GABRR2: variants seen among roughly 807,000 people sequenced by gnomAD.
GABRR2 encodes gamma-aminobutyric acid type A receptor subunit rho2.
A neutral mutation model predicts 47.0 loss-of-function variants in GABRR2; 36 were observed. The ratio of observed to expected loss-of-function variants is 0.77; its 90% CI spans 0.59 to 1.01. The LOEUF (loss-of-function observed/expected upper bound fraction) is 1.01, where lower values mean the gene tolerates loss of function less well. Ranked by LOEUF, GABRR2 falls within the 50% of genes least tolerant of loss-of-function variation. GABRR2 has a pLI of 0.00. For synonymous variants in GABRR2, 204 were observed against 227.5 expected (o/e 0.90, Z 0.93); for missense variants, 587 against 594.6 (o/e 0.99, Z 0.13).
Position 89,265,727 on chromosome 6 carries a change from G to A in GABRR2, c.775C>T (p.Arg259Cys), listed in dbSNP as rs76786334. The change falls in exon 7 of 9, where the codon CGC becomes TGC. Residue 259 changes from arginine (R) to cysteine (C), a missense_variant. Physicochemically the swap from Arg to Cys is radical, Grantham distance 180 (BLOSUM62 -3). Coordinates refer to ENST00000402938, the MANE Select transcript of GABRR2 (RefSeq NM_002043.5). Reference protein sequence around the residue: ...NRLYINFTLRRHIFFFLLQTY... With the variant: ...NRLYINFTLRCHIFFFLLQTY... ...TGGAGCAAGAAGAAGAAGATGTGGC[G>A]ACGCAACGTGAAGTTAATGTACAGA... The A allele has an allele frequency of 2.6e-3, 4,125 of 1,614,104 alleles. 7 individuals carry two copies. Among genetic ancestry groups the A allele is most frequent in the Non-Finnish European group, 3.0e-3 (3,552 of 1,180,006 alleles).
intron 2 of GABRR2, among the ~76,000 whole-genome samples, chr6:89,293,069 A>T (rs373488960): frequency 2.0e-4 from 31 of 152,148 alleles, no homozygotes; most frequent in African/African-American, 6.3e-4. Flanking sequence ...CAATCAACAG[A>T]TGAATGGATA....
intron 2 of GABRR2, among the ~76,000 whole-genome samples, chr6:89,276,196 C>T (rs1774157222): frequency 6.7e-6 from 1 of 148,528 alleles, no homozygotes; most frequent in African/African-American, 2.5e-5. Flanking sequence ...TAAGCAGGCA[C>T]ATCAGAAAAT....
chr6:89,263,120 C>T (rs538682811), intron 8 of GABRR2, among the ~76,000 whole-genome samples: 2 of 152,292 alleles, frequency 1.3e-5, no homozygotes, highest in East Asian at 1.9e-4. Context: ...TCTGCCACCC[C>T]GGAGACAGTA....
At chr6:89,304,238 C>G (rs1038991493) in intron 1 of GABRR2, among the ~76,000 whole-genome samples, 4 of 152,110 alleles carry the variant, frequency 2.6e-5, no homozygotes, top group Non-Finnish European at 5.9e-5. Context: ...CTATAAGGAA[C>G]TTAAATTTAC....
At chr6:89,289,105 T>G (rs1456204668) in intron 2 of GABRR2, among the ~76,000 whole-genome samples, 1 of 152,190 alleles carries the variant, frequency 6.6e-6, no homozygotes, top group Non-Finnish European at 1.5e-5. Context: ...CTAGGCATGG[T>G]GAGTCCGTCA....
Position 89,257,557 on chromosome 6 carries a change from C to T in GABRR2, c.*113G>A, listed in dbSNP as rs1773627988. The T allele has an allele frequency of 1.2e-6, 1 of 844,728 alleles. No individual in the cohort carries two copies. The highest frequency in any genetic ancestry group is 1.8e-6 in the Non-Finnish European group (1 of 549,880). 52.3% of individuals were successfully genotyped at this position (844,728 alleles called of 1,614,324 possible). On this transcript the variant is annotated 3_prime_UTR_variant, in exon 9 of 9. Coordinates refer to ENST00000402938, the MANE Select transcript of GABRR2 (RefSeq NM_002043.5). ...GAGATGAGTGCTGCTCAGGGTGGTC[C>T]AGTAGCTGCTGCATTGTTTGGTGAG...
intron 8 of GABRR2, among the ~76,000 whole-genome samples, chr6:89,260,558 A>C (rs989118219): frequency 1.3e-5 from 2 of 152,204 alleles, no homozygotes; most frequent in African/African-American, 2.4e-5. Flanking sequence ...TCTCGCCTGC[A>C]CTTGTCTGCC....
intron 2 of GABRR2, among the ~76,000 whole-genome samples, chr6:89,292,830 G>GATATATCGTATATATCATATAT (rs1774492491): frequency 7.4e-4 from 6 of 8,150 alleles, no homozygotes; most frequent in South Asian, 6.9e-3. Flanking sequence ...CGTATATATC[G>GATATATCGTATATATCATATAT]TATATACGAT....
At chr6:89,285,083 G>A (rs1300713565) in intron 2 of GABRR2, among the ~76,000 whole-genome samples, 3 of 152,160 alleles carry the variant, frequency 2.0e-5, no homozygotes, top group African/African-American at 4.8e-5. Flanking sequence ...AAGCTTAATT[G>A]TGTGGGGAAA....
At chr6:89,302,322 C>T in intron 1 of GABRR2, 1 of 563,712 alleles carries the variant, frequency 1.8e-6, no homozygotes, top group Non-Finnish European at 3.6e-6. Flanking sequence ...TGGAGCCCTA[C>T]AACCCCATGC....
chr6:89,280,420 C>T (rs12207013), intron 2 of GABRR2, among the ~76,000 whole-genome samples: 77,165 of 151,326 alleles, frequency 0.51, 20,605 homozygotes, highest in African/African-American at 0.68. Flanking sequence ...TGAATACACA[C>T]TGGAGGAAGG....
At chr6:89,260,401 A>T (rs1562345426) in intron 8 of GABRR2, among the ~76,000 whole-genome samples, 1 of 152,246 alleles carries the variant, frequency 6.6e-6, no homozygotes, top group Non-Finnish European at 1.5e-5. Flanking sequence ...ACCAAAAATT[A>T]GGATAAAACC....
At chr6:89,259,883 C>CTTTTTTTTTT (rs59831214) in intron 8 of GABRR2, among the ~76,000 whole-genome samples, 19 of 67,574 alleles carry the variant, frequency 2.8e-4, no homozygotes, top group African/African-American at 4.8e-4. Context: ...CTCTCTCTCT[C>CTTTTTTTTTT]TTTTTTTTTT....
Position 89,301,851 on chromosome 6 carries a change from C to A in GABRR2, c.114-1986G>T, listed in dbSNP as rs570371403. On this transcript the variant is annotated intron_variant, in intron 1 of 8. Coordinates refer to ENST00000402938, the MANE Select transcript of GABRR2 (RefSeq NM_002043.5). ...AGATCGGGGCCAAGTTCTGGGAAGT[C>A]ATCAGTGATGAGCATGGCATAGACC... is the stretch of plus-strand genomic sequence containing the variant. 12 of 1,137,916 alleles carry A rather than the reference C, an allele frequency of 1.1e-5. 1 individual carries two copies. In the South Asian group the frequency reaches 1.4e-4, roughly 13 times the overall value. 70.5% of individuals were successfully genotyped at this position (1,137,916 alleles called of 1,614,324 possible).
chr6:89,262,054 C>T (rs995789679), intron 8 of GABRR2, among the ~76,000 whole-genome samples: 2 of 151,412 alleles, frequency 1.3e-5, no homozygotes, highest in Admixed American at 6.6e-5. Flanking sequence ...AAATTTGCAG[C>T]TCACCAACCA....
At chr6:89,299,681 C>T in intron 2 of GABRR2, 78 bp downstream of exon 2, 1 of 922,150 alleles carries the variant, frequency 1.1e-6, no homozygotes, top group Non-Finnish European at 1.8e-6. Flanking sequence ...AGCGCTGTGC[C>T]AGAGGGAGCC....
intron 1 of GABRR2, among the ~76,000 whole-genome samples, chr6:89,309,777 CTTA>C (rs1237383234): frequency 1.3e-5 from 2 of 150,988 alleles, no homozygotes; most frequent in Non-Finnish European, 3.0e-5. Context: ...TCTTCTTCTT[CTTA>C]TTATTATTAT....
At chr6:89,293,920 A>AT in intron 2 of GABRR2, among the ~76,000 whole-genome samples, 1 of 152,298 alleles carries the variant, frequency 6.6e-6, no homozygotes, top group Non-Finnish European at 1.5e-5. Flanking sequence ...TAGACAAGGT[A>AT]TTTTTGTTTC....
At chr6:89,279,679 AG>A (rs1774223727) in intron 2 of GABRR2, among the ~76,000 whole-genome samples, 1 of 93,664 alleles carries the variant, frequency 1.1e-5, no homozygotes, top group Admixed American at 1.0e-4. Context: ...CTACAAAAAA[AG>A]TTAAAAAAAA....
Sources: gnomAD v4.1 joint callset for allele counts (sites outside exome capture counted in the v4.1 genomes callset) on GRCh38, gnomAD v4.1.1 for gene constraint, MANE v1.5 for transcripts, NCBI Gene and HGNC (gene_info 2026-07-23, HGNC 2026-07-21) for gene names.